PATJ: variants seen among roughly 807,000 people sequenced by gnomAD.
PATJ encodes the protein inaD-like protein.
A neutral mutation model predicts 224.9 loss-of-function variants in PATJ; 190 were observed. That is an observed-to-expected ratio of 0.84 (90% confidence interval 0.75 to 0.95). The LOEUF is 0.95. Among genes scored for constraint, PATJ ranks in the 40% least tolerant of loss-of-function variants. The pLI, the probability that PATJ is intolerant of heterozygous loss-of-function variation, is 0.00. For missense variants in PATJ, 2,121 were observed against 2,270.3 expected (o/e 0.93, Z 1.34); for synonymous variants, 769 against 820.3 (o/e 0.94, Z 1.07).
intron 29 of PATJ, among the ~76,000 whole-genome samples, chr1:62,025,636 C>G (rs1647716378): frequency 6.6e-6 from 1 of 152,176 alleles, no homozygotes; most frequent in South Asian, 2.1e-4. Context: ...GCTTGGCCAA[C>G]ATGGCAAAAC....
intron 29 of PATJ, among the ~76,000 whole-genome samples, chr1:62,027,595 G>A (rs1648239433): frequency 6.8e-6 from 1 of 147,166 alleles, no homozygotes; most frequent in South Asian, 2.1e-4. Context: ...AATGTACACA[G>A]GTTTTAATTT....
At chr1:61,878,232 C>CTCCTCAGTG (rs1489465185) in intron 21 of PATJ, among the ~76,000 whole-genome samples, 1 of 152,158 alleles carries the variant, frequency 6.6e-6, no homozygotes, top group Non-Finnish European at 1.5e-5. Context: ...CTGGTCCTTC[C>CTCCTCAGTG]TCCTCAGTGT....
chr1:62,040,421 A>G (rs1651260393), intron 30 of PATJ, among the ~76,000 whole-genome samples: 1 of 152,102 alleles, frequency 6.6e-6, no homozygotes, highest in Non-Finnish European at 1.5e-5. Context: ...TAAAGGGCTG[A>G]GTAGGAAGTG....
chr1:62,024,657 A>AACACACACACACAC (rs10605703), intron 29 of PATJ, among the ~76,000 whole-genome samples: 14 of 107,736 alleles, frequency 1.3e-4, no homozygotes, highest in Non-Finnish European at 2.1e-4. Context: ...CCCACCTCCC[A>AACACACACACACAC]ACACACACAC....
At chr1:62,102,178 C>CAAATAAATAAATAAATAAAT (rs112794744) in intron 33 of PATJ, among the ~76,000 whole-genome samples, 3 of 150,146 alleles carry the variant, frequency 2.0e-5, no homozygotes, top group African/African-American at 7.4e-5. Flanking sequence ...GACCCTGTCT[C>CAAATAAATAAATAAATAAAT]AAATAAATAA....
intron 38 of PATJ, among the ~76,000 whole-genome samples, chr1:62,122,222 G>A (rs1665145377): frequency 6.6e-6 from 1 of 151,644 alleles, no homozygotes; most frequent in African/African-American, 2.4e-5. Context: ...AAAATTAGCC[G>A]GGCATGGTGG....
At chr1:61,789,321 A>C (rs1649276344) in intron 8 of PATJ, among the ~76,000 whole-genome samples, 1 of 151,740 alleles carries the variant, frequency 6.6e-6, no homozygotes, top group Non-Finnish European at 1.5e-5. Context: ...TAAATAAATA[A>C]ATAAAATAAA....
intron 17 of PATJ, 62 bp from the exon 18 acceptor site, chr1:61,855,968 C>G: frequency 8.0e-7 from 1 of 1,251,908 alleles, no homozygotes; most frequent in Non-Finnish European, 1.2e-6. Context: ...CTCAAGCTGT[C>G]CTAAGGCTGC....
chr1:61,805,507 C>G lies in PATJ; in HGVS notation c.1609C>G (p.Pro537Ala), dbSNP rs1363518342. 1 of 1,597,616 alleles carries G rather than the reference C, an allele frequency of 6.3e-7. No individual in the cohort carries two copies. Among genetic ancestry groups the G allele is most frequent in the East Asian group, 2.2e-5 (1 of 44,756 alleles). Residue 537 changes from proline (P) to alanine (A), a missense_variant, in exon 13 of 44, where the codon CCT (proline) becomes GCT (alanine). By Grantham distance (27) the Pro-to-Ala change is conservative. Transcript: ENST00000642238. ...ATCCAGATGGGAAAACCTGTTGGGT[C>G]CTGATTATGAAGTAATGGTATGTTA... ...LKSRWENLLG[P>A]DYEVMVATLD...
chr1:61,859,540 T>C (rs538820804), intron 18 of PATJ, among the ~76,000 whole-genome samples: 2 of 152,060 alleles, frequency 1.3e-5, no homozygotes, highest in Non-Finnish European at 2.9e-5. Context: ...TGTCTCTCTC[T>C]CTCTCTCTCC....
chr1:61,785,759 G>T (rs918967843), intron 7 of PATJ, among the ~76,000 whole-genome samples: 1 of 152,072 alleles, frequency 6.6e-6, no homozygotes, highest in Non-Finnish European at 1.5e-5. Context: ...ACTTTGAACA[G>T]ATACTCATTT....
chr1:62,151,755 A>T (rs933447396), intron 42 of PATJ, among the ~76,000 whole-genome samples: 1 of 152,238 alleles, frequency 6.6e-6, no homozygotes, highest in African/African-American at 2.4e-5. Flanking sequence ...CCTCTCAGAC[A>T]TGCATGTTGC....
intron 1 of PATJ, among the ~76,000 whole-genome samples, chr1:61,745,822 T>G (rs1644994160): frequency 6.6e-6 from 1 of 151,916 alleles, no homozygotes; most frequent in South Asian, 2.1e-4. Context: ...CAGGCTGGTC[T>G]CGAACTCCTG....
At chr1:62,005,608 A>G (rs1646045349) in intron 28 of PATJ, among the ~76,000 whole-genome samples, 1 of 152,072 alleles carries the variant, frequency 6.6e-6, no homozygotes, top group African/African-American at 2.4e-5. Flanking sequence ...TACCAAAAAA[A>G]TTAGCCAGGC....
intron 42 of PATJ, among the ~76,000 whole-genome samples, chr1:62,148,694 G>A (rs72677981): frequency 0.069 from 10,529 of 152,188 alleles, 387 homozygotes; most frequent in South Asian, 0.14. Context: ...AAGGAACCAC[G>A]TTTCCTGAAC....
chr1:62,147,994 G>A lies in PATJ; in HGVS notation c.5272-290G>A, dbSNP rs570588066. Among the ~76,000 whole-genome samples, 6 of 151,598 alleles carry A rather than the reference G, an allele frequency of 4.0e-5. No homozygotes were observed. In the East Asian group the frequency reaches 5.9e-4, roughly 15 times the overall value. On this transcript the variant is annotated intron_variant, in intron 41 of 43. Transcript: ENST00000642238. ...AAATTAGCAGGGCCTGGTGGTGCATGCCTGTGGTCCCAGCTACGTGGGAGG... is the reference window on the plus strand; with the variant it reads ...AAATTAGCAGGGCCTGGTGGTGCATACCTGTGGTCCCAGCTACGTGGGAGG...
intron 21 of PATJ, among the ~76,000 whole-genome samples, chr1:61,877,258 CT>C (rs11405663): frequency 2.0e-5 from 3 of 147,400 alleles, no homozygotes; most frequent in African/African-American, 7.4e-5. Flanking sequence ...CAGTTCATTA[CT>C]TTTTTTTTTT....
At chr1:61,840,391 A>G (rs996992190) in intron 17 of PATJ, among the ~76,000 whole-genome samples, 1 of 152,028 alleles carries the variant, frequency 6.6e-6, no homozygotes, top group African/African-American at 2.4e-5. Flanking sequence ...TCTACCTCTG[A>G]CCATAATCCC....
rs1375574732 is a variant in PATJ at position 62,038,050 on chromosome 1, G to T, written c.4032+1G>T. ...ATCAAGTTCTCCATCTTCTATTGAG[G>T]TAAGGTTGTTTCTAATTAGCTCTTA... On this transcript the variant is annotated splice_donor_variant, in intron 30 of 43. Coordinates refer to ENST00000642238, the MANE Select transcript of PATJ (RefSeq NM_001350145.3). LOFTEE classifies it high-confidence loss of function. 1.1e-5 allele frequency: 18 copies of T among 1,580,492 alleles called. No homozygotes were observed. Among genetic ancestry groups the T allele is most frequent in the Non-Finnish European group, 1.5e-5 (17 of 1,156,258 alleles).
Sources: allele counts gnomAD v4.1 joint callset (sites outside exome capture counted in the v4.1 genomes callset), GRCh38; gene constraint gnomAD v4.1.1; transcripts MANE v1.5; gene names NCBI Gene and HGNC (gene_info 2026-07-23, HGNC 2026-07-21).